The following GPR158 variants were observed in gnomAD, a reference collection of about 807,000 sequenced individuals.
GPR158 encodes the protein metabotropic glycine receptor.
Under a neutral mutation model 78.2 loss-of-function variants are expected in GPR158, and 30 were observed. That is an observed-to-expected ratio of 0.38 (90% CI 0.29 to 0.52). The LOEUF is 0.52. GPR158 is among the 20% of genes least tolerant of loss of function. The pLI is 0.83. For missense variants in GPR158, 1,463 were observed against 1,523.5 expected, an observed-to-expected ratio of 0.96 and a Z score of 0.66; for synonymous variants, 581 against 591.1, an observed-to-expected ratio of 0.98 and a Z score of 0.25.
intron 2 of GPR158, chr10:25,244,929 A>C (rs572921211): frequency 6.6e-6 from 1 of 151,476 alleles, no homozygotes; most frequent in East Asian, 1.9e-4. Flanking sequence ...CCAGAGGTGC[A>C]TGTTTCTTTT....
Position 25,598,401 on chromosome 10 carries a change from G to A in GPR158, c.2775G>A (p.Val925=), listed in dbSNP as rs778783228. 129 of 1,613,926 alleles carry A rather than the reference G, an allele frequency of 8.0e-5. No individual in the cohort carries two copies. The highest frequency in any genetic ancestry group is 4.9e-4 in the Middle Eastern group (3 of 6,084). Reference sequence around the variant, plus strand: ...CTGGGAAAACCCAAACAGCAGGTGTGGAAGAACGCACTAAATCCCAGAAAC... The same window carrying A: ...CTGGGAAAACCCAAACAGCAGGTGTAGAAGAACGCACTAAATCCCAGAAAC... The part of the protein sequence containing the change: ...GLAGKTQTAG[V]EERTKSQKPL... Residue 925 remains valine (V), a synonymous_variant, in exon 11 of 11, where the codon GTG becomes GTA. Coordinates refer to ENST00000376351, the MANE Select transcript of GPR158 (RefSeq NM_020752.3).
intron 2 of GPR158, among the ~76,000 whole-genome samples, chr10:25,272,588 G>T (rs987718608): frequency 3.3e-5 from 5 of 152,150 alleles, no homozygotes; most frequent in African/African-American, 1.2e-4. Flanking sequence ...ATTTTGAGCA[G>T]GAAATTACCT....
intron 2 of GPR158, among the ~76,000 whole-genome samples, chr10:25,223,491 T>G (rs1289608114): frequency 6.6e-6 from 1 of 152,192 alleles, no homozygotes; most frequent in East Asian, 1.9e-4. Context: ...TGCAACAGTT[T>G]TGGACCACAT....
At chr10:25,373,472 T>A (rs1488753732) in intron 2 of GPR158, among the ~76,000 whole-genome samples, 1 of 152,008 alleles carries the variant, frequency 6.6e-6, no homozygotes, top group Non-Finnish European at 1.5e-5. Flanking sequence ...ATCTACCGTC[T>A]GCTTTACATT....
rs1837455899 is a variant in GPR158, at chr10:25,599,056, A to G, written c.3430A>G (p.Thr1144Ala). 17 of 1,613,982 alleles carry G rather than the reference A, an allele frequency of 1.1e-5. No individual in the cohort carries two copies. Among genetic ancestry groups the G allele is most frequent in the East Asian group, 6.7e-5 (3 of 44,854 alleles). The stretch of plus-strand genomic sequence containing the variant: ...CCAAATAGGACACCAGGAAAAAAAG[A>G]CATCTTCTTCTGAGGAGAATGTGCG... ...LNQIGHQEKKTSSSEENVRGS... is the reference protein window; with the variant it reads ...LNQIGHQEKKASSSEENVRGS... Residue 1144 changes from threonine (T) to alanine (A), a missense_variant, in exon 11 of 11, where the codon ACA becomes GCA. Physicochemically the swap from Thr to Ala is moderately conservative, Grantham distance 58 (BLOSUM62 0). Coordinates refer to ENST00000376351, the MANE Select transcript of GPR158 (RefSeq NM_020752.3).
intron 2 of GPR158, among the ~76,000 whole-genome samples, chr10:25,295,110 C>T (rs1295528746): frequency 6.6e-6 from 1 of 152,204 alleles, no homozygotes; most frequent in Non-Finnish European, 1.5e-5. Flanking sequence ...ACCTCCCTGT[C>T]TTACCCACAT....
At chr10:25,422,227 C>T (rs965583340) in intron 4 of GPR158, among the ~76,000 whole-genome samples, 2 of 152,102 alleles carry the variant, frequency 1.3e-5, no homozygotes, top group African/African-American at 4.8e-5. Context: ...GAACATGGCC[C>T]ACTTTTTGTC....
chr10:25,285,759 G>T (rs1854342316), intron 2 of GPR158, among the ~76,000 whole-genome samples: 1 of 152,132 alleles, frequency 6.6e-6, no homozygotes, highest in East Asian at 1.9e-4. Flanking sequence ...GCTTTATGAG[G>T]TTTCTAGGTA....
intron 3 of GPR158, among the ~76,000 whole-genome samples, chr10:25,396,453 G>A (rs1442372928): frequency 1.3e-5 from 2 of 152,136 alleles, no homozygotes; most frequent in African/African-American, 2.4e-5. Context: ...CATTGGTTAG[G>A]TTCCTAGGTC....
chr10:25,540,948 ATATATATATAT>A (rs1836572515), intron 5 of GPR158, among the ~76,000 whole-genome samples: 3 of 17,378 alleles, frequency 1.7e-4, no homozygotes, highest in African/African-American at 5.4e-4. Flanking sequence ...TAATAAAAAT[ATATATATATAT>A]ATATATATAT....
chr10:25,419,040 G>T (rs1434471547), intron 4 of GPR158, among the ~76,000 whole-genome samples: 1 of 151,648 alleles, frequency 6.6e-6, no homozygotes, highest in Non-Finnish European at 1.5e-5. Flanking sequence ...TGACTATTTT[G>T]GTAAAATAAA....
intron 2 of GPR158, among the ~76,000 whole-genome samples, chr10:25,330,935 A>T (rs939819628): frequency 2.6e-5 from 4 of 152,148 alleles, no homozygotes; most frequent in African/African-American, 9.7e-5. Context: ...TTTATTTTTT[A>T]AAATATTTTG....
chr10:25,560,191 G>A (rs1400522637), intron 6 of GPR158, among the ~76,000 whole-genome samples: 1 of 152,200 alleles, frequency 6.6e-6, no homozygotes, highest in Non-Finnish European at 1.5e-5. Context: ...TCACGTATTT[G>A]TGTATTTTAC....
chr10:25,367,653 G>T (rs1379331814), intron 2 of GPR158, among the ~76,000 whole-genome samples: 1 of 53,112 alleles, frequency 1.9e-5, no homozygotes, highest in Non-Finnish European at 5.2e-5. Flanking sequence ...GTAAGGTGGG[G>T]TTTTTGTTTG....
chr10:25,492,487 A>G (rs1052562387), intron 5 of GPR158, among the ~76,000 whole-genome samples: 4 of 151,876 alleles, frequency 2.6e-5, no homozygotes, highest in Non-Finnish European at 2.9e-5. Context: ...TGTTCCAATT[A>G]GTGAAAGAGC....
intron 2 of GPR158, among the ~76,000 whole-genome samples, chr10:25,351,212 C>G: frequency 6.6e-6 from 1 of 151,918 alleles, no homozygotes; most frequent in East Asian, 1.9e-4. Flanking sequence ...TCTTCAGATT[C>G]TGTTTCGAAC....
At chr10:25,408,532 T>C (rs1255083043) in intron 3 of GPR158, among the ~76,000 whole-genome samples, 2 of 152,214 alleles carry the variant, frequency 1.3e-5, no homozygotes, top group African/African-American at 2.4e-5. Flanking sequence ...TCTATGACTT[T>C]TGACACTGTA....
At chr10:25,447,318 A>C (rs1382579110) in intron 4 of GPR158, among the ~76,000 whole-genome samples, 1 of 152,228 alleles carries the variant, frequency 6.6e-6, no homozygotes, top group Non-Finnish European at 1.5e-5. Context: ...AAATAAACTA[A>C]ATGAATATTA....
intron 2 of GPR158, among the ~76,000 whole-genome samples, chr10:25,237,657 C>G (rs1853541962): frequency 6.6e-6 from 1 of 152,040 alleles, no homozygotes; most frequent in South Asian, 2.1e-4. Flanking sequence ...TGTCATTTAT[C>G]TAGATTTGAA....
Sources: allele counts gnomAD v4.1 joint callset (sites outside exome capture counted in the v4.1 genomes callset), GRCh38; gene constraint gnomAD v4.1.1; transcripts MANE v1.5; gene names NCBI Gene and HGNC (gene_info 2026-07-23, HGNC 2026-07-21).